The following CFAP96 variants were observed in gnomAD, a reference collection of about 807,000 sequenced individuals.
The protein encoded by CFAP96 is cilia-and flagella-associated protein 96.
the CFAP96 span, among the ~76,000 whole-genome samples, chr4:185,425,549 T>C: frequency 1.1e-4 from 17 of 152,198 alleles, no homozygotes; most frequent in Non-Finnish European, 1.3e-4. Flanking sequence ...CCGAAGAAAG[T>C]TGCGCCTGTC....
the CFAP96 span, among the ~76,000 whole-genome samples, chr4:185,442,651 C>T: frequency 6.6e-6 from 1 of 152,088 alleles, no homozygotes; most frequent in Non-Finnish European, 1.5e-5. Context: ...TTCCTTAAGC[C>T]AGCAGTAGTG....
chr4:185,432,036 A>G, the CFAP96 span: 2 of 1,551,726 alleles, frequency 1.3e-6, no homozygotes, highest in Non-Finnish European at 1.7e-6. Flanking sequence ...GGAGGGTCCA[A>G]AGAAATGTCA....
At chr4:185,432,071 C>T in the CFAP96 span, 227 of 1,551,412 alleles carry the variant, frequency 1.5e-4, no homozygotes, top group Middle Eastern at 1.7e-4. Flanking sequence ...TTATTTTGAT[C>T]CCCATTTTGT....
chr4:185,420,291 CA>C, the CFAP96 span, among the ~76,000 whole-genome samples: 1 of 151,748 alleles, frequency 6.6e-6, no homozygotes, highest in Non-Finnish European at 1.5e-5. Context: ...TTTGAATATT[CA>C]AAAAATTAGA....
chr4:185,443,908 T>G, the CFAP96 span, among the ~76,000 whole-genome samples: 9 of 134,340 alleles, frequency 6.7e-5, no homozygotes, highest in Admixed American at 6.3e-4. Flanking sequence ...TGAAAACTTA[T>G]AACTATATCT....
the CFAP96 span, among the ~76,000 whole-genome samples, chr4:185,425,438 G>C: frequency 6.6e-6 from 1 of 152,130 alleles, no homozygotes; most frequent in Non-Finnish European, 1.5e-5. Context: ...TCCCTGAAGA[G>C]CACCACCATT....
chr4:185,449,553 C>T, the CFAP96 span: 2 of 1,258,104 alleles, frequency 1.6e-6, no homozygotes, highest in Non-Finnish European at 2.2e-6. Context: ...AGGTATTTGA[C>T]TTGCACCTAT....
At chr4:185,441,575 C>T in the CFAP96 span, among the ~76,000 whole-genome samples, 2 of 151,192 alleles carry the variant, frequency 1.3e-5, no homozygotes, top group African/African-American at 4.9e-5. Flanking sequence ...GCTCTCTTTA[C>T]CACCAATATT....
chr4:185,425,866 C>T, the CFAP96 span: 5 of 1,603,936 alleles, frequency 3.1e-6, no homozygotes, highest in Non-Finnish European at 2.6e-6. Context: ...AGATACTCAC[C>T]ATGTCCGCGA....
the CFAP96 span, among the ~76,000 whole-genome samples, chr4:185,416,275 C>T: frequency 1.3e-5 from 2 of 152,130 alleles, no homozygotes; most frequent in Non-Finnish European, 1.5e-5. Context: ...CACTGGGGTT[C>T]GTTACATGAT....
At chr4:185,449,811 T>C in the CFAP96 span, 1 of 451,132 alleles carries the variant, frequency 2.2e-6, no homozygotes. Context: ...AGTTAATAAA[T>C]AGTATTTGCT....
the CFAP96 span, among the ~76,000 whole-genome samples, chr4:185,442,200 A>G: frequency 6.6e-6 from 1 of 152,086 alleles, no homozygotes; most frequent in Non-Finnish European, 1.5e-5. Flanking sequence ...CATATTCTCC[A>G]GAACTTCAGA....
chr4:185,446,911 GTCTT>G, the CFAP96 span, among the ~76,000 whole-genome samples: 17 of 152,046 alleles, frequency 1.1e-4, no homozygotes, highest in African/African-American at 1.9e-4. Context: ...CTTTCCTGTT[GTCTT>G]TCTTGTTATT....
chr4:185,422,149 T>C, the CFAP96 span, among the ~76,000 whole-genome samples: 1 of 152,248 alleles, frequency 6.6e-6, no homozygotes, highest in Non-Finnish European at 1.5e-5. Flanking sequence ...GACTCAGGAT[T>C]GTACATACAC....
the CFAP96 span, chr4:185,432,020 C>T: frequency 6.4e-7 from 1 of 1,551,466 alleles, no homozygotes; most frequent in East Asian, 2.4e-5. Flanking sequence ...TAAACAGATG[C>T]TACCTGGAGG....
the CFAP96 span, among the ~76,000 whole-genome samples, chr4:185,409,824 T>C: frequency 2.6e-5 from 4 of 152,030 alleles, no homozygotes; most frequent in East Asian, 1.9e-4. Flanking sequence ...GAGAGGGGCA[T>C]AGGAGGAGAA....
chr4:185,421,999 C>A, the CFAP96 span, among the ~76,000 whole-genome samples: 1 of 152,216 alleles, frequency 6.6e-6, no homozygotes, highest in Non-Finnish European at 1.5e-5. Flanking sequence ...TGTTCTTTAT[C>A]TCAGTTTGTG....
At chr4:185,435,963 C>T in the CFAP96 span, 1 of 1,075,666 alleles carries the variant, frequency 9.3e-7, no homozygotes, top group Non-Finnish European at 1.3e-6. Context: ...TTTTTTCAAT[C>T]TGTTTAAAAA....
chr4:185,435,502 T>G, the CFAP96 span, among the ~76,000 whole-genome samples: 1 of 152,220 alleles, frequency 6.6e-6, no homozygotes, highest in Admixed American at 6.5e-5. Context: ...AGTAAATACT[T>G]TGATGATTTT....
Sources: gnomAD v4.1 joint callset for allele counts (sites outside exome capture counted in the v4.1 genomes callset) on GRCh38, gnomAD v4.1.1 for gene constraint, MANE v1.5 for transcripts, NCBI Gene and HGNC (gene_info 2026-07-23, HGNC 2026-07-21) for gene names.